The following AP3B1 variants were observed in gnomAD, a reference collection of about 807,000 sequenced individuals.
AP3B1 encodes adaptor related protein complex 3 subunit beta 1, also known as AP-3 complex subunit beta-1.
Under a neutral mutation model 132.5 loss-of-function variants are expected in AP3B1, and 61 were observed. The ratio of observed to expected loss-of-function variants is 0.46; its 90% CI spans 0.37 to 0.57. AP3B1 has a LOEUF of 0.57. Among genes scored for constraint, AP3B1 ranks in the 20% least tolerant of loss-of-function variants. AP3B1 has a pLI of 0.00. For missense variants in AP3B1, 1,120 were observed against 1,289.4 expected (o/e 0.87, Z 2.01); for synonymous variants, 388 against 438.3 (o/e 0.89, Z 1.43).
chr5:78,059,380 G>C (rs934897986), intron 22 of AP3B1, among the ~76,000 whole-genome samples: 1 of 152,218 alleles, frequency 6.6e-6, no homozygotes, highest in African/African-American at 2.4e-5. Flanking sequence ...AAGCCACTAA[G>C]TTTGTGGTAA....
At chr5:78,112,256 A>G (rs1375948666) in intron 19 of AP3B1, among the ~76,000 whole-genome samples, 1 of 152,216 alleles carries the variant, frequency 6.6e-6, no homozygotes, top group Non-Finnish European at 1.5e-5. Flanking sequence ...AGCCATGGTA[A>G]CATCTCAGAG....
chr5:78,256,630 GA>G (rs1747860294), intron 2 of AP3B1, among the ~76,000 whole-genome samples: 1 of 152,020 alleles, frequency 6.6e-6, no homozygotes, highest in Non-Finnish European at 1.5e-5. Context: ...AAACTGTTCT[GA>G]AAAACAGAGC....
In AP3B1 at chr5:78,002,342, G is replaced by C. The variant is rs1031175064; in HGVS notation, c.*560C>G. On this transcript the variant is annotated 3_prime_UTR_variant, in exon 27 of 27. Transcript: ENST00000255194. Reference sequence around the variant, plus strand: ...AAAGACAAATATGATTCATATGCTAGTTTATTTATCTTATTATTGAGAGAT... The same window carrying C: ...AAAGACAAATATGATTCATATGCTACTTTATTTATCTTATTATTGAGAGAT... 2 of 353,478 alleles carry C rather than the reference G, an allele frequency of 5.7e-6. No individual in the cohort carries two copies. Among genetic ancestry groups the C allele is most frequent in the Non-Finnish European group, 5.0e-6 (1 of 198,716 alleles). The allele number at this position is 353,478 out of a possible 1,614,324, so 21.9% of individuals were successfully genotyped here. A position where few individuals can be genotyped will look rare whatever the true frequency, so the allele number is the denominator to read the frequency against.
intron 11 of AP3B1, among the ~76,000 whole-genome samples, chr5:78,166,783 T>A (rs779664712): frequency 1.1e-4 from 17 of 152,176 alleles, no homozygotes; most frequent in Non-Finnish European, 2.9e-5. Context: ...CCAGGATAAT[T>A]GGCAAGCCAC....
intron 20 of AP3B1, among the ~76,000 whole-genome samples, chr5:78,103,833 A>C (rs929762987): frequency 6.6e-6 from 1 of 152,144 alleles, no homozygotes; most frequent in Non-Finnish European, 1.5e-5. Flanking sequence ...AATGTATTTC[A>C]CTTCAAATAA....
rs970215199 is a variant in AP3B1 at position 78,002,651 on chromosome 5, C to T, written c.*251G>A. 3.2e-5 allele frequency: 19 copies of T among 602,314 alleles called. No homozygotes were observed. Among genetic ancestry groups the T allele is most frequent in the African/African-American group, 2.8e-4 (15 of 53,834 alleles). The allele number at this position is 602,314 out of a possible 1,614,324, so 37.3% of individuals were successfully genotyped here. A position where few individuals can be genotyped will look rare whatever the true frequency, so the allele number is the denominator to read the frequency against. ...AAGAAGCAGCAGGACAGAGAAAACGCCACATGGATTCAAGAGTTGAGACAA... is the reference window on the plus strand; with the variant it reads ...AAGAAGCAGCAGGACAGAGAAAACGTCACATGGATTCAAGAGTTGAGACAA... On this transcript the variant is annotated 3_prime_UTR_variant, in exon 27 of 27. Transcript: ENST00000255194.
At chr5:78,043,152 T>C (rs138923096) in intron 22 of AP3B1, 5 of 152,960 alleles carry the variant, frequency 3.3e-5, no homozygotes, top group East Asian at 1.9e-4. Context: ...TTTGTTTGTT[T>C]TGAGATGGTG....
At chr5:78,281,429 T>TG (rs1382430691) in intron 1 of AP3B1, among the ~76,000 whole-genome samples, 45 of 114,180 alleles carry the variant, frequency 3.9e-4, no homozygotes, top group African/African-American at 1.5e-3. Flanking sequence ...ACCAAAACTC[T>TG]GCCTCAAAAA....
chr5:78,168,021 A>C (rs1561453049), intron 11 of AP3B1, among the ~76,000 whole-genome samples: 3 of 151,456 alleles, frequency 2.0e-5, no homozygotes, highest in African/African-American at 7.3e-5. Context: ...CTGAAAAAAA[A>C]AAAAAAACAA....
intron 14 of AP3B1, among the ~76,000 whole-genome samples, chr5:78,153,219 A>C (rs1272673545): frequency 6.6e-6 from 1 of 152,172 alleles, no homozygotes; most frequent in Non-Finnish European, 1.5e-5. Context: ...TGGGTGCTCC[A>C]GTGTTGAGTG....
Position 78,090,809 on chromosome 5 carries a change from CT to C in AP3B1, c.2471-1311del, listed in dbSNP as rs1442830024. The stretch of plus-strand genomic sequence containing the variant: ...ATAACATTTAGTTAATTTGACATTT[CT>C]TTTTTTATTTTTATTTTTGGAGATA... On this transcript the variant is annotated intron_variant, in intron 21 of 26. Coordinates refer to ENST00000255194, the MANE Select transcript of AP3B1 (RefSeq NM_003664.5). Among the ~76,000 whole-genome samples, 7 of 152,076 alleles carry C rather than the reference CT, an allele frequency of 4.6e-5. No homozygotes were observed. In the East Asian group the frequency reaches 5.8e-4, roughly 13 times the overall value.
At chr5:78,245,270 G>A (rs958980497) in intron 2 of AP3B1, among the ~76,000 whole-genome samples, 5 of 152,188 alleles carry the variant, frequency 3.3e-5, no homozygotes, top group African/African-American at 9.7e-5. Flanking sequence ...AATCTACAGC[G>A]ATAGTGGTTT....
chr5:78,044,085 C>A, intron 22 of AP3B1: 1 of 322,182 alleles, frequency 3.1e-6, no homozygotes, highest in South Asian at 3.2e-5. Flanking sequence ...GCAATATCTG[C>A]CTGAAAGGCA....
chr5:78,086,662 C>T (rs912879169), intron 22 of AP3B1, among the ~76,000 whole-genome samples: 28 of 152,240 alleles, frequency 1.8e-4, no homozygotes, highest in Admixed American at 7.2e-4. Context: ...GCTAGATGTT[C>T]GTAGTAATGA....
chr5:78,138,001 C>G (rs1477523325), intron 15 of AP3B1, among the ~76,000 whole-genome samples: 1 of 151,948 alleles, frequency 6.6e-6, no homozygotes, highest in South Asian at 2.1e-4. Flanking sequence ...CTACTCATCA[C>G]TGTAATCGAC....
chr5:78,075,083 G>A (rs771075630), intron 22 of AP3B1, among the ~76,000 whole-genome samples: 3 of 152,124 alleles, frequency 2.0e-5, no homozygotes, highest in African/African-American at 4.8e-5. Flanking sequence ...TCTCCTTGCA[G>A]ACCAACTTGA....
In AP3B1 at chr5:78,177,447, A is replaced by G; in HGVS notation, c.943-11T>C. The G allele has an allele frequency of 6.3e-7, 1 of 1,599,588 alleles. No individual in the cohort carries two copies. Among genetic ancestry groups the G allele is most frequent in the Non-Finnish European group, 8.6e-7 (1 of 1,166,802 alleles). ...AACTGCCATAACCACCTACAAGATA[A>G]AGCATAAAAATAACAGAACTATGAA... On this transcript the variant is annotated splice_polypyrimidine_tract_variant and intron_variant, in intron 8 of 26. Transcript: ENST00000255194.
intron 14 of AP3B1, among the ~76,000 whole-genome samples, chr5:78,147,202 G>A (rs967992304): frequency 1.3e-5 from 2 of 151,688 alleles, no homozygotes; most frequent in African/African-American, 4.8e-5. Flanking sequence ...TGTGCAAATA[G>A]GTTTGTGCTT....
intron 15 of AP3B1, among the ~76,000 whole-genome samples, chr5:78,129,533 G>A (rs1382728804): frequency 2.0e-5 from 3 of 151,966 alleles, no homozygotes; most frequent in African/African-American, 7.2e-5. Context: ...GCAGCCATGT[G>A]CTAGATTATT....
Sources: allele counts gnomAD v4.1 joint callset (sites outside exome capture counted in the v4.1 genomes callset), GRCh38; gene constraint gnomAD v4.1.1; transcripts MANE v1.5; gene names NCBI Gene and HGNC (gene_info 2026-07-23, HGNC 2026-07-21).